Variants in LDLRAD3 observed in about 807,000 individuals in gnomAD.
LDLRAD3 encodes the protein low density lipoprotein receptor class A domain containing 3.
In LDLRAD3, 20 loss-of-function variants were observed where a neutral mutation model predicts 29.4. The observed-to-expected ratio is 0.68, with a 90% CI of 0.48 to 0.99. LDLRAD3 has a LOEUF of 0.99. Ranked by LOEUF, LDLRAD3 falls within the 50% of genes least tolerant of loss-of-function variation. The pLI is 0.00. For synonymous variants in LDLRAD3, 157 were observed against 192.7 expected, an observed-to-expected ratio of 0.81 and a Z score of 1.53; for missense variants, 420 against 454.3, an observed-to-expected ratio of 0.92 and a Z score of 0.69.
intron 1 of LDLRAD3, among the ~76,000 whole-genome samples, chr11:35,962,243 G>A (rs919367625): frequency 5.3e-5 from 8 of 151,982 alleles, no homozygotes; most frequent in African/African-American, 1.9e-4. Context: ...ACTTGAGCTT[G>A]TCTCCAAGTT....
intron 4 of LDLRAD3, among the ~76,000 whole-genome samples, chr11:36,198,568 T>TC (rs752964646): frequency 1.5e-4 from 23 of 152,070 alleles, no homozygotes; most frequent in Non-Finnish European, 2.4e-4. Flanking sequence ...CTGGTTTGCT[T>TC]CCCCCCCATC....
At chr11:35,964,919 G>A (rs1851320104) in intron 1 of LDLRAD3, among the ~76,000 whole-genome samples, 1 of 151,652 alleles carries the variant, frequency 6.6e-6, no homozygotes, top group African/African-American at 2.4e-5. Context: ...AACCCAGGAA[G>A]TTTGAGGCTG....
chr11:36,187,726 G>A (rs1854873715), intron 4 of LDLRAD3, among the ~76,000 whole-genome samples: 1 of 152,198 alleles, frequency 6.6e-6, no homozygotes, highest in South Asian at 2.1e-4. Context: ...AACAAGGACA[G>A]TGTTGGTAGG....
intron 4 of LDLRAD3, among the ~76,000 whole-genome samples, chr11:36,214,941 C>G (rs1343847312): frequency 1.3e-5 from 2 of 152,164 alleles, no homozygotes; most frequent in African/African-American, 4.8e-5. Flanking sequence ...GTTCTGCCCT[C>G]AGGGAGTTCT....
chr11:36,226,664 T>A (rs75664113), intron 4 of LDLRAD3, among the ~76,000 whole-genome samples: 1,619 of 152,274 alleles, frequency 0.011, 21 homozygotes, highest in African/African-American at 0.036. Context: ...CCAACAAGAT[T>A]CCTCATACCC....
In LDLRAD3 at chr11:35,990,149, T is replaced by C. The variant is rs527722530; in HGVS notation, c.47-45954T>C. 1.8e-4 allele frequency among the ~76,000 whole-genome samples: 28 copies of C among 152,172 alleles called. 1 individual carries two copies. The highest frequency in any genetic ancestry group is 4.0e-4 in the Non-Finnish European group (27 of 68,040). On this transcript the variant is annotated intron_variant, in intron 1 of 5. Transcript: ENST00000315571. ...GGGGGGTGGTTTGAAAATGCCCAGCTCTCAGGGTTGCCGTAAGGATTTTAT... is the reference window on the plus strand; with the variant it reads ...GGGGGGTGGTTTGAAAATGCCCAGCCCTCAGGGTTGCCGTAAGGATTTTAT...
At chr11:36,135,486 T>C (rs1296260892) in intron 4 of LDLRAD3, among the ~76,000 whole-genome samples, 3 of 152,216 alleles carry the variant, frequency 2.0e-5, no homozygotes, top group Non-Finnish European at 4.4e-5. Context: ...TTTAAAATGA[T>C]AAACTCCTTC....
At chr11:36,223,156 C>T (rs574182658) in intron 4 of LDLRAD3, among the ~76,000 whole-genome samples, 2 of 152,246 alleles carry the variant, frequency 1.3e-5, no homozygotes, top group Non-Finnish European at 2.9e-5. Flanking sequence ...ACAGCAAAAA[C>T]GAGAGCAGGC....
At chr11:36,207,784 G>C (rs1459705113) in intron 4 of LDLRAD3, among the ~76,000 whole-genome samples, 1 of 152,186 alleles carries the variant, frequency 6.6e-6, no homozygotes, top group Non-Finnish European at 1.5e-5. Context: ...TGCCTCAGAG[G>C]TTGTCCACCA....
At chr11:35,945,737 C>G (rs993989355) in intron 1 of LDLRAD3, among the ~76,000 whole-genome samples, 3 of 152,208 alleles carry the variant, frequency 2.0e-5, no homozygotes, top group Non-Finnish European at 4.4e-5. Context: ...GGGAGAGCCA[C>G]TGTAGCCAAA....
intron 1 of LDLRAD3, among the ~76,000 whole-genome samples, chr11:36,014,728 C>T (rs1429129109): frequency 1.3e-5 from 2 of 152,220 alleles, no homozygotes; most frequent in African/African-American, 4.8e-5. Context: ...CAGGTTCAGA[C>T]ATCTCCCTTG....
intron 1 of LDLRAD3, among the ~76,000 whole-genome samples, chr11:35,969,071 T>TG (rs1049646917): frequency 7.0e-4 from 106 of 152,252 alleles, no homozygotes; most frequent in African/African-American, 2.4e-3. Flanking sequence ...TGCCTCAGAC[T>TG]GGGGGGCACT....
intron 1 of LDLRAD3, among the ~76,000 whole-genome samples, chr11:35,992,219 C>T (rs146192735): frequency 6.6e-6 from 1 of 152,116 alleles, no homozygotes; most frequent in East Asian, 1.9e-4. Context: ...AACAAGAATG[C>T]AACCTTGATT....
intron 1 of LDLRAD3, among the ~76,000 whole-genome samples, chr11:35,972,085 T>A (rs541766161): frequency 6.6e-6 from 1 of 152,046 alleles, no homozygotes; most frequent in Non-Finnish European, 1.5e-5. Flanking sequence ...GGGATGGGGA[T>A]TTGGAAAGTA....
chr11:36,149,076 T>C (rs1390080898), intron 4 of LDLRAD3, among the ~76,000 whole-genome samples: 1 of 152,156 alleles, frequency 6.6e-6, no homozygotes, highest in Non-Finnish European at 1.5e-5. Context: ...GTCTGGAAAC[T>C]CCTTATCTAA....
Position 36,227,431 on chromosome 11 carries a change from G to A in LDLRAD3, c.800+1G>A. ...ACTCCGAGGCCTTGCTGGACCAGAG[G>A]TGTGTGCTGGATGGAAGAGATTGAG... On this transcript the variant is annotated splice_donor_variant, in intron 5 of 5. Coordinates refer to ENST00000315571, the MANE Select transcript of LDLRAD3 (RefSeq NM_174902.4). LOFTEE classifies it high-confidence loss of function. 6.4e-7 allele frequency: 1 copy of A among 1,564,732 alleles called. No individual in the cohort carries two copies. Among genetic ancestry groups the A allele is most frequent in the Non-Finnish European group, 8.6e-7 (1 of 1,156,244 alleles).
chr11:36,186,943 C>T (rs570070934), intron 4 of LDLRAD3, among the ~76,000 whole-genome samples: 1 of 152,262 alleles, frequency 6.6e-6, no homozygotes, highest in African/African-American at 2.4e-5. Context: ...GATAGTGGAG[C>T]TTGCATAAAT....
At chr11:36,095,212 A>C (rs2133270706) in intron 3 of LDLRAD3, among the ~76,000 whole-genome samples, 1 of 152,272 alleles carries the variant, frequency 6.6e-6, no homozygotes, top group African/African-American at 2.4e-5. Flanking sequence ...CTCTCTAGAG[A>C]AGAGTATATA....
chr11:36,090,687 C>A (rs968941173), intron 3 of LDLRAD3, among the ~76,000 whole-genome samples: 1 of 152,154 alleles, frequency 6.6e-6, no homozygotes, highest in African/African-American at 2.4e-5. Flanking sequence ...ATCCTCGAGT[C>A]CTTAGAGCCT....
Sources: allele counts gnomAD v4.1 joint callset (sites outside exome capture counted in the v4.1 genomes callset), GRCh38; gene constraint gnomAD v4.1.1; transcripts MANE v1.5; gene names NCBI Gene and HGNC (gene_info 2026-07-23, HGNC 2026-07-21).